ST8SIA4: variants seen among roughly 807,000 people sequenced by gnomAD.
ST8SIA4 encodes CMP-N-acetylneuraminate-poly-alpha-2,8-sialyltransferase.
In ST8SIA4, 15 loss-of-function variants were observed where a neutral mutation model predicts 33.9. The ratio of observed to expected loss-of-function variants is 0.44; its 90% CI spans 0.30 to 0.68. The LOEUF is 0.68. ST8SIA4 is among the 30% of genes least tolerant of loss of function. ST8SIA4 has a pLI of 0.10. For synonymous variants in ST8SIA4, 171 were observed against 151.2 expected (o/e 1.13, Z -0.96); for missense variants, 321 against 428.0 (o/e 0.75, Z 2.21).
At chr5:100,858,771 C>T (rs1312541652) in intron 3 of ST8SIA4, among the ~76,000 whole-genome samples, 1 of 152,068 alleles carries the variant, frequency 6.6e-6, no homozygotes, top group Admixed American at 6.6e-5. Context: ...ATGGTGCTAA[C>T]TAAAGGAGCA....
chr5:100,848,482 TAC>T (rs538257843), intron 4 of ST8SIA4, among the ~76,000 whole-genome samples: 112 of 144,212 alleles, frequency 7.8e-4, no homozygotes, highest in African/African-American at 2.6e-3. Context: ...TACACATATA[TAC>T]ACACAGAGTA....
intron 2 of ST8SIA4, 82 bp from the exon 3 acceptor site, chr5:100,886,682 G>C (rs1752545382): frequency 3.4e-6 from 4 of 1,174,094 alleles, no homozygotes; most frequent in African/African-American, 1.5e-5. Context: ...AGTAACTTAA[G>C]ACAAAATACA....
intron 4 of ST8SIA4, among the ~76,000 whole-genome samples, chr5:100,851,442 C>T (rs1451529376): frequency 6.6e-6 from 1 of 151,336 alleles, no homozygotes. Flanking sequence ...CTACAAATGT[C>T]CATCAAACAA....
chr5:100,838,037 A>G (rs17780273), intron 4 of ST8SIA4, among the ~76,000 whole-genome samples: 35,301 of 151,978 alleles, frequency 0.23, 5,152 homozygotes, highest in Non-Finnish European at 0.32. Context: ...ATAGTAAAAC[A>G]AATGGTTAGA....
chr5:100,811,865 T>C lies in ST8SIA4; in HGVS notation c.1062A>G (p.Gly354=), dbSNP rs1561381331. 6.2e-7 allele frequency: 1 copy of C among 1,612,346 alleles called. No homozygotes were observed. Among genetic ancestry groups the C allele is most frequent in the Non-Finnish European group, 8.5e-7 (1 of 1,179,256 alleles). ...ATGTGCTTTATTGCTTTACACACTT[T>C]CCTGTTGTCAGTTTTAGAGCTCCTC... ...HNRGALKLTT[G]KCVKQ The change falls in exon 5 of 5, where the codon GGA becomes GGG. Residue 354 remains glycine (G), a synonymous_variant. Transcript: ENST00000231461.
chr5:100,849,456 A>G (rs947124528), intron 4 of ST8SIA4: 7 of 985,192 alleles, frequency 7.1e-6, no homozygotes, highest in Admixed American at 6.2e-5. Flanking sequence ...TTTTCGCAGA[A>G]CCTGCAAAAT....
intron 4 of ST8SIA4, among the ~76,000 whole-genome samples, chr5:100,818,188 TA>T (rs201748930): frequency 6.6e-6 from 1 of 152,172 alleles, no homozygotes; most frequent in African/African-American, 2.4e-5. Flanking sequence ...ATTTTAACTT[TA>T]AAAAATTGTA....
intron 1 of ST8SIA4, chr5:100,900,333 C>A (rs763915051): frequency 1.3e-5 from 6 of 446,542 alleles, no homozygotes; most frequent in Non-Finnish European, 2.7e-5. Flanking sequence ...AATACTGGAC[C>A]GGGATCTGGA....
rs1377904388 is a variant in ST8SIA4 at position 100,857,215 on chromosome 5, ATGT to A, written c.504-822_504-820del. Among the ~76,000 whole-genome samples the A allele has an allele frequency of 2.6e-5, 4 of 152,082 alleles. No individual in the cohort carries two copies. The East Asian group carries it at 7.7e-4, about 29-fold the overall frequency. ...AGGTTTTGAAAAGAGCTTGGGCCTG[ATGT>A]TGTTTATATAACCTGTTATTTATAT... On this transcript the variant is annotated intron_variant, in intron 3 of 4. Coordinates refer to ENST00000231461, the MANE Select transcript of ST8SIA4 (RefSeq NM_005668.6).
intron 2 of ST8SIA4, among the ~76,000 whole-genome samples, chr5:100,893,117 C>A (rs1307768633): frequency 6.6e-6 from 1 of 151,878 alleles, no homozygotes; most frequent in Non-Finnish European, 1.5e-5. Context: ...TTCTTAAATG[C>A]CAGAAAAGTG....
At chr5:100,849,770 G>A (rs755078645) in intron 4 of ST8SIA4, among the ~76,000 whole-genome samples, 3 of 152,200 alleles carry the variant, frequency 2.0e-5, no homozygotes, top group Non-Finnish European at 4.4e-5. Context: ...ACTCCAGCCT[G>A]TGCGTCAGAG....
At chr5:100,854,512 G>A (rs1196896212) in intron 4 of ST8SIA4, among the ~76,000 whole-genome samples, 1 of 152,112 alleles carries the variant, frequency 6.6e-6, no homozygotes, top group Non-Finnish European at 1.5e-5. Context: ...GAACCCAGGA[G>A]GCAGAGCTTG....
chr5:100,897,775 C>T (rs1752811959), intron 1 of ST8SIA4, among the ~76,000 whole-genome samples: 1 of 152,104 alleles, frequency 6.6e-6, no homozygotes, highest in Non-Finnish European at 1.5e-5. Flanking sequence ...TTAAACTATC[C>T]TACTGATGAA....
chr5:100,856,570 G>A (rs1279242146), intron 3 of ST8SIA4, among the ~76,000 whole-genome samples, 174 bp from the exon 4 acceptor site: 1 of 152,128 alleles, frequency 6.6e-6, no homozygotes, highest in Non-Finnish European at 1.5e-5. Flanking sequence ...GCACGTGCAG[G>A]AATACTGCCT....
chr5:100,838,418 T>C (rs902095203), intron 4 of ST8SIA4, among the ~76,000 whole-genome samples: 1 of 152,024 alleles, frequency 6.6e-6, no homozygotes, highest in Non-Finnish European at 1.5e-5. Flanking sequence ...AATTACAGTA[T>C]GGTGTTTCTA....
At chr5:100,899,124 A>T (rs1752841805) in intron 1 of ST8SIA4, among the ~76,000 whole-genome samples, 1 of 152,212 alleles carries the variant, frequency 6.6e-6, no homozygotes, top group African/African-American at 2.4e-5. Flanking sequence ...AAAGCCCCGT[A>T]TTCCACCCTA....
chr5:100,834,248 G>A (rs1282751956), intron 4 of ST8SIA4, among the ~76,000 whole-genome samples: 18 of 152,038 alleles, frequency 1.2e-4, no homozygotes, highest in Admixed American at 9.8e-4. Flanking sequence ...GTGACAAAAG[G>A]AGCAATTGTT....
chr5:100,834,133 T>C (rs577654917), intron 4 of ST8SIA4, among the ~76,000 whole-genome samples: 1 of 152,286 alleles, frequency 6.6e-6, no homozygotes, highest in Non-Finnish European at 1.5e-5. Context: ...TGCATTTATA[T>C]ATACACACAC....
chr5:100,878,784 A>T (rs756680476), intron 3 of ST8SIA4, among the ~76,000 whole-genome samples: 41 of 152,208 alleles, frequency 2.7e-4, no homozygotes, highest in Admixed American at 4.6e-4. Context: ...GTAACAAAAG[A>T]TGGTTTTTCT....
Sources: allele counts gnomAD v4.1 joint callset (sites outside exome capture counted in the v4.1 genomes callset), GRCh38; gene constraint gnomAD v4.1.1; transcripts MANE v1.5; gene names NCBI Gene and HGNC (gene_info 2026-07-23, HGNC 2026-07-21).